The following SASH1 variants were observed in gnomAD, a reference collection of about 807,000 sequenced individuals.
SASH1 encodes SAM and SH3 domain-containing protein 1.
In SASH1, 44 loss-of-function variants were observed where a neutral mutation model predicts 125.2. The observed-to-expected ratio is 0.35, with a 90% CI of 0.28 to 0.45. SASH1 has a LOEUF of 0.45. SASH1 is among the 20% of genes least tolerant of loss of function. SASH1 has a pLI of 1.00. For missense variants in SASH1, 1,426 were observed against 1,614.5 expected, an observed-to-expected ratio of 0.88 and a Z score of 2.00; for synonymous variants, 639 against 649.1, an observed-to-expected ratio of 0.98 and a Z score of 0.24.
intron 12 of SASH1, among the ~76,000 whole-genome samples, chr6:148,528,680 T>A (rs1781336129): frequency 6.6e-6 from 1 of 151,698 alleles, no homozygotes; most frequent in South Asian, 2.1e-4. Flanking sequence ...TGAAGTGGAG[T>A]GGATATTGCT....
rs1015782282 is a variant in SASH1 at position 148,534,855 on chromosome 6, C to T, written c.2049C>T (p.His683=). ...LDELNIRDPE[H]RAVLLTAVEL... The stretch of plus-strand genomic sequence containing the variant: ...AGTTAAATATCAGGGACCCGGAACA[C>T]AGAGCTGTTCTCTTGACAGCAGTGG... The change falls in exon 16 of 20, where the codon CAC becomes CAT. Residue 683 remains histidine, a synonymous_variant. Transcript: ENST00000367467. 3 of 1,614,242 alleles carry T rather than the reference C, an allele frequency of 1.9e-6. No homozygotes were observed. The highest frequency in any genetic ancestry group is 2.5e-6 in the Non-Finnish European group (3 of 1,180,042).
chr6:148,323,282 T>C (rs1235778531), intron 1 of SASH1, among the ~76,000 whole-genome samples: 1 of 152,240 alleles, frequency 6.6e-6, no homozygotes, highest in East Asian at 1.9e-4. Context: ...AGTGCTGAGA[T>C]TACAGGCGTG....
the SASH1 span, among the ~76,000 whole-genome samples, chr6:148,194,689 C>T: frequency 1.3e-5 from 2 of 152,188 alleles, no homozygotes; most frequent in South Asian, 2.1e-4. Context: ...GGGAGGATCA[C>T]GAGGTCAGGA....
chr6:148,426,856 C>T (rs919243681), intron 2 of SASH1, among the ~76,000 whole-genome samples: 2 of 152,084 alleles, frequency 1.3e-5, no homozygotes, highest in South Asian at 2.1e-4. Flanking sequence ...ACTTAGTGGT[C>T]GGGCACGGTG....
chr6:148,474,029 G>A (rs1404502645), intron 6 of SASH1, 81 bp from the exon 7 acceptor site: 2 of 872,736 alleles, frequency 2.3e-6, no homozygotes, highest in Admixed American at 4.1e-5. Flanking sequence ...TCTCTAGCCC[G>A]AGACAGCAGA....
Position 148,519,688 on chromosome 6 carries a change from C to T in SASH1, c.1004C>T (p.Ser335Phe). Residue 335 changes from serine to phenylalanine, a missense_variant, in exon 10 of 20, where the codon TCT (serine) becomes TTT (phenylalanine). Ser to Phe is a radical substitution (Grantham distance 155). Transcript: ENST00000367467. This position sits in a 1 kb window ranked among gnomAD's most constrained non-coding sequence, Gnocchi z 4.8. ...PEDDSDSLTT[S>F]PSSSSLDTWG... Reference sequence around the variant, plus strand: ...GATGACTCAGACTCTCTCACCACGTCTCCATCCTCCAGCAGCCTGGACACC... The same window carrying T: ...GATGACTCAGACTCTCTCACCACGTTTCCATCCTCCAGCAGCCTGGACACC... 6.2e-7 allele frequency: 1 copy of T among 1,614,146 alleles called. No individual in the cohort carries two copies. Among genetic ancestry groups the T allele is most frequent in the African/African-American group, 1.3e-5 (1 of 75,052 alleles).
At chr6:148,401,092 C>T (rs907462772) in intron 2 of SASH1, among the ~76,000 whole-genome samples, 1 of 151,746 alleles carries the variant, frequency 6.6e-6, no homozygotes, top group Admixed American at 6.6e-5. Flanking sequence ...CAAAAACACC[C>T]AGAAAACAAA....
the SASH1 span, among the ~76,000 whole-genome samples, chr6:148,228,688 T>C: frequency 4.6e-5 from 7 of 152,228 alleles, no homozygotes; most frequent in Non-Finnish European, 1.0e-4. Context: ...CGTTTTATGC[T>C]CCACCAGCAT....
At chr6:148,447,790 A>T in intron 4 of SASH1, among the ~76,000 whole-genome samples, 1 of 147,984 alleles carries the variant, frequency 6.8e-6, no homozygotes, top group East Asian at 2.0e-4. Flanking sequence ...CCATCCACCT[A>T]CCTGGCCACC....
In SASH1 at chr6:148,514,084, C is replaced by G. The variant is rs561065988; in HGVS notation, c.730-240C>G. 3.4e-5 allele frequency: 42 copies of G among 1,230,582 alleles called. 2 individuals are homozygous for G. In the South Asian group the frequency reaches 8.5e-4, roughly 25 times the overall value. The allele number at this position is 1,230,582 out of a possible 1,614,324, so 76.2% of individuals were successfully genotyped here. The stretch of plus-strand genomic sequence containing the variant: ...AGATGCCCCCACAGGCCACTTGCCC[C>G]CACTTGCCCTTGAGGGCAAGGATGT... On this transcript the variant is annotated intron_variant, in intron 8 of 19. Coordinates refer to ENST00000367467, the MANE Select transcript of SASH1 (RefSeq NM_015278.5).
chr6:148,242,726 T>G, the SASH1 span, among the ~76,000 whole-genome samples: 2 of 152,316 alleles, frequency 1.3e-5, no homozygotes, highest in South Asian at 4.1e-4. Flanking sequence ...ATCTCTTCTC[T>G]GGTGGAATAT....
intron 1 of SASH1, among the ~76,000 whole-genome samples, chr6:148,360,937 C>T (rs1238247473): frequency 6.6e-6 from 1 of 152,038 alleles, no homozygotes; most frequent in African/African-American, 2.4e-5. Flanking sequence ...TCAGATTTAG[C>T]CAAGTTAAGT....
At chr6:148,354,747 C>G (rs569243248) in intron 1 of SASH1, among the ~76,000 whole-genome samples, 1 of 152,116 alleles carries the variant, frequency 6.6e-6, no homozygotes, top group Non-Finnish European at 1.5e-5. Context: ...ATGAATAAAC[C>G]TGCCACTTAT....
In SASH1 at chr6:148,512,437, A is replaced by T. The variant is rs58946241; in HGVS notation, c.730-1887A>T. On this transcript the variant is annotated intron_variant, in intron 8 of 19. Coordinates refer to ENST00000367467, the MANE Select transcript of SASH1 (RefSeq NM_015278.5). ...CATCAAGAGAGCAGAATGTTTTTAAATGTTTATATGTAATTCCATGAACTG... is the reference window on the plus strand; with the variant it reads ...CATCAAGAGAGCAGAATGTTTTTAATTGTTTATATGTAATTCCATGAACTG... 3,836 of 982,752 alleles carry T rather than the reference A, an allele frequency of 3.9e-3. 136 individuals carry two copies. The African/African-American group carries it at 0.063, about 16-fold the overall frequency. The allele number at this position is 982,752 out of a possible 1,614,324, so 60.9% of individuals were successfully genotyped here. A position where few individuals can be genotyped will look rare whatever the true frequency, so the allele number is the denominator to read the frequency against.
At chr6:148,435,828 T>A (rs1259095417) in intron 2 of SASH1, among the ~76,000 whole-genome samples, 4 of 152,224 alleles carry the variant, frequency 2.6e-5, no homozygotes, top group Non-Finnish European at 5.9e-5. Flanking sequence ...TACTTTTGTA[T>A]ATTTAAAATT....
chr6:148,351,297 G>T (rs1323564274), intron 1 of SASH1, among the ~76,000 whole-genome samples: 2 of 148,550 alleles, frequency 1.3e-5, no homozygotes, highest in Non-Finnish European at 3.0e-5. Context: ...CAAGATGATT[G>T]GTGAAAACGG....
At chr6:148,307,463 T>C (rs1380713117) in intron 1 of SASH1, among the ~76,000 whole-genome samples, 1 of 152,064 alleles carries the variant, frequency 6.6e-6, no homozygotes, top group Non-Finnish European at 1.5e-5. Context: ...AGCCCTACCC[T>C]AAAAGAGCTT....
At chr6:148,390,552 C>T (rs1783660801) in intron 2 of SASH1, among the ~76,000 whole-genome samples, 1 of 152,130 alleles carries the variant, frequency 6.6e-6, no homozygotes, top group Non-Finnish European at 1.5e-5. Context: ...TTTGAGAGGC[C>T]CAGGCGGGCG....
chr6:148,312,591 A>C (rs7761344), intron 1 of SASH1, among the ~76,000 whole-genome samples: 65,735 of 152,104 alleles, frequency 0.43, 14,792 homozygotes, highest in African/African-American at 0.57. Flanking sequence ...GTGAATGACC[A>C]TAGACAAGCT....
Sources: allele counts gnomAD v4.1 joint callset (sites outside exome capture counted in the v4.1 genomes callset), GRCh38; gene constraint gnomAD v4.1.1; non-coding constraint Gnocchi (gnomAD v3.1); transcripts MANE v1.5; gene names NCBI Gene and HGNC (gene_info 2026-07-23, HGNC 2026-07-21).